SH3KBP1: variants seen among roughly 807,000 people sequenced by gnomAD.
The protein encoded by SH3KBP1 is SH3 domain-containing kinase-binding protein 1.
In SH3KBP1, 8 loss-of-function variants were observed where a neutral mutation model predicts 50.1. That is an observed-to-expected ratio of 0.16 (90% confidence interval 0.09 to 0.29). The LOEUF is 0.29. SH3KBP1 is among the 10% of genes least tolerant of loss of function. SH3KBP1 has a pLI of 1.00. For missense variants in SH3KBP1, 377 were observed against 535.2 expected (o/e 0.70, Z 2.92); for synonymous variants, 227 against 218.6 (o/e 1.04, Z -0.34).
At chrX:19,710,842 A>T (rs1295420542) in intron 3 of SH3KBP1, among the ~76,000 whole-genome samples, 6 of 110,837 alleles carry the variant, frequency 5.4e-5, no homozygotes, top group Admixed American at 2.9e-4. Flanking sequence ...TAGCCGATCT[A>T]ATGATAACTG....
intron 14 of SH3KBP1, among the ~76,000 whole-genome samples, chrX:19,548,403 T>A (rs368930656): frequency 2.3e-3 from 250 of 110,577 alleles, no homozygotes; most frequent in African/African-American, 7.4e-3. Flanking sequence ...AATATAGAGA[T>A]ACTAAGAGCC....
At chrX:19,809,787 C>T (rs972814558) in intron 2 of SH3KBP1, among the ~76,000 whole-genome samples, 1 of 111,886 alleles carries the variant, frequency 8.9e-6, no homozygotes, top group Admixed American at 9.5e-5. Flanking sequence ...GATTGCAGTA[C>T]ATTATGCAAC....
intron 6 of SH3KBP1, among the ~76,000 whole-genome samples, chrX:19,655,401 G>C (rs2062247535): frequency 1.8e-5 from 2 of 111,682 alleles, no homozygotes; most frequent in Admixed American, 9.5e-5. Flanking sequence ...CAATAGCAAA[G>C]TCATGGAATC....
intron 2 of SH3KBP1, among the ~76,000 whole-genome samples, chrX:19,773,860 A>G (rs2065875722): frequency 1.1e-5 from 1 of 91,874 alleles, no homozygotes; most frequent in African/African-American, 3.9e-5. Flanking sequence ...CGGCTCGAAA[A>G]AAAAAAAAAA....
chrX:19,877,514 C>G (rs2069289226), intron 1 of SH3KBP1, among the ~76,000 whole-genome samples: 1 of 111,746 alleles, frequency 8.9e-6, no homozygotes, highest in African/African-American at 3.3e-5. Context: ...TTAGACAGGA[C>G]ACTAAGCTAA....
At chrX:19,840,960 C>T (rs1214375622) in intron 1 of SH3KBP1, among the ~76,000 whole-genome samples, 3 of 112,008 alleles carry the variant, frequency 2.7e-5, no homozygotes, top group Non-Finnish European at 3.8e-5. Flanking sequence ...ACAGTTAACC[C>T]CATGTTACAA....
intron 3 of SH3KBP1, among the ~76,000 whole-genome samples, chrX:19,733,619 T>G (rs2064445136): frequency 9.0e-6 from 1 of 110,880 alleles, no homozygotes; most frequent in African/African-American, 3.3e-5. Flanking sequence ...AGGTGATAAT[T>G]TATTCAGAGA....
chrX:19,852,592 TAA>T (rs2068537012), intron 1 of SH3KBP1, among the ~76,000 whole-genome samples: 1 of 81,841 alleles, frequency 1.2e-5, no homozygotes, highest in South Asian at 5.7e-4. Flanking sequence ...TTTCAATCAA[TAA>T]AGATTTTCTG....
At chrX:19,673,017 G>A (rs888309515) in intron 6 of SH3KBP1, among the ~76,000 whole-genome samples, 1 of 95,995 alleles carries the variant, frequency 1.0e-5, no homozygotes, top group Non-Finnish European at 2.0e-5. Flanking sequence ...AGTGAGCCGA[G>A]ATGGCGCCAC....
At chrX:19,678,404 A>T in intron 6 of SH3KBP1, among the ~76,000 whole-genome samples, 1 of 108,635 alleles carries the variant, frequency 9.2e-6, no homozygotes, top group Non-Finnish European at 1.9e-5. Flanking sequence ...TAAAATTTAA[A>T]TTAAAATGCA....
intron 12 of SH3KBP1, among the ~76,000 whole-genome samples, chrX:19,582,873 C>G (rs1426825659): frequency 5.4e-5 from 6 of 111,223 alleles, no homozygotes. Context: ...GATTAACAAG[C>G]CTGCTTTGGA....
At chrX:19,883,492 T>A (rs990993056) in intron 1 of SH3KBP1, among the ~76,000 whole-genome samples, 2 of 111,585 alleles carry the variant, frequency 1.8e-5, no homozygotes, top group Non-Finnish European at 3.8e-5. Context: ...GCCACAGATA[T>A]ACCTAGAAAG....
chrX:19,660,337 C>T (rs973510298), intron 6 of SH3KBP1, among the ~76,000 whole-genome samples: 3 of 112,432 alleles, frequency 2.7e-5, no homozygotes, highest in African/African-American at 9.7e-5. Flanking sequence ...ATTCTAGTTA[C>T]AGAGAATGAT....
intron 6 of SH3KBP1, among the ~76,000 whole-genome samples, chrX:19,660,034 A>T (rs186878996): frequency 8.9e-6 from 1 of 112,803 alleles, no homozygotes; most frequent in Admixed American, 9.3e-5. Flanking sequence ...AGATTTATGG[A>T]GCAAGGCCTG....
At position 19,684,198 on chromosome X, in the gene SH3KBP1, T is replaced by G. The variant is rs762969563; in HGVS notation, c.521-170A>C. ...GAGTAGTTTGACTGGCTCTGAGTTT[T>G]GTTTGATCTCCCCACCCCTTACTTT... On this transcript the variant is annotated intron_variant, in intron 5 of 17. Coordinates refer to ENST00000397821, the MANE Select transcript of SH3KBP1 (RefSeq NM_031892.3). Among the ~76,000 whole-genome samples the G allele has an allele frequency of 5.3e-5, 6 of 112,581 alleles. No homozygotes were observed. In the South Asian group the frequency reaches 2.2e-3, roughly 41 times the overall value.
chrX:19,724,545 T>C (rs934898227), intron 3 of SH3KBP1, among the ~76,000 whole-genome samples: 2 of 112,174 alleles, frequency 1.8e-5, no homozygotes, highest in Non-Finnish European at 3.8e-5. Context: ...ATGGCCTCTG[T>C]AGCAACTACT....
chrX:19,537,029 A>G (rs1292075963), intron 17 of SH3KBP1, among the ~76,000 whole-genome samples: 1 of 112,255 alleles, frequency 8.9e-6, no homozygotes, highest in Admixed American at 9.4e-5. Flanking sequence ...CAGGACAGAA[A>G]TGGCCATCAC....
chrX:19,824,370 G>A (rs2067613366), intron 2 of SH3KBP1, among the ~76,000 whole-genome samples: 1 of 111,849 alleles, frequency 8.9e-6, no homozygotes, highest in Non-Finnish European at 1.9e-5. Context: ...ACATGGTACT[G>A]CCCTATCGGT....
At chrX:19,804,041 G>A (rs1303671882) in intron 2 of SH3KBP1, among the ~76,000 whole-genome samples, 1 of 111,752 alleles carries the variant, frequency 8.9e-6, no homozygotes, top group African/African-American at 3.3e-5. Context: ...GCATGGTGGC[G>A]GGTGCCTGTA....
Sources: allele counts gnomAD v4.1 joint callset (sites outside exome capture counted in the v4.1 genomes callset), GRCh38; gene constraint gnomAD v4.1.1; transcripts MANE v1.5; gene names NCBI Gene and HGNC (gene_info 2026-07-23, HGNC 2026-07-21).